The following THADA variants were observed in gnomAD, a reference collection of about 807,000 sequenced individuals.
The protein encoded by THADA is tRNA (32-2'-O)-methyltransferase regulator THADA.
Under a neutral mutation model 219.8 loss-of-function variants are expected in THADA, and 213 were observed. The observed-to-expected ratio is 0.97, with a 90% CI of 0.87 to 1.09. The LOEUF (loss-of-function observed/expected upper bound fraction) is 1.09. THADA is among the 50% of genes least tolerant of loss of function. The pLI, the probability that THADA is intolerant of heterozygous loss-of-function variation, is 0.00. For missense variants in THADA, 2,956 were observed against 2,311.3 expected (o/e 1.28, Z -5.72); for synonymous variants, 1,018 against 828.9 (o/e 1.23, Z -3.92).
At chr2:43,344,830 C>A (rs1667460770) in intron 29 of THADA, among the ~76,000 whole-genome samples, 1 of 151,692 alleles carries the variant, frequency 6.6e-6, no homozygotes. Context: ...TGCAGACGTG[C>A]CCCACTTATA....
At chr2:43,396,408 C>A (rs573795399) in intron 29 of THADA, among the ~76,000 whole-genome samples, 60 of 152,310 alleles carry the variant, frequency 3.9e-4, no homozygotes, top group Non-Finnish European at 6.9e-4. Context: ...ATTTTCTGGT[C>A]CTTTTTTGTC....
intron 26 of THADA, among the ~76,000 whole-genome samples, chr2:43,458,642 C>T (rs942902391): frequency 6.6e-6 from 1 of 152,108 alleles, no homozygotes; most frequent in African/African-American, 2.4e-5. Context: ...TTCATCCTAG[C>T]CTACATCTCC....
intron 26 of THADA, among the ~76,000 whole-genome samples, chr2:43,464,266 A>C (rs747005027): frequency 7.2e-5 from 11 of 152,198 alleles, no homozygotes; most frequent in Non-Finnish European, 1.5e-4. Flanking sequence ...AAGGAATCTA[A>C]AACTTTTGCT....
intron 27 of THADA, among the ~76,000 whole-genome samples, chr2:43,428,668 T>C (rs1246589489): frequency 6.6e-6 from 1 of 151,404 alleles, no homozygotes; most frequent in African/African-American, 2.4e-5. Context: ...CCTTTTTTCT[T>C]TTTTTTTTCT....
intron 28 of THADA, among the ~76,000 whole-genome samples, chr2:43,407,473 G>A (rs991088111): frequency 2.6e-5 from 4 of 152,044 alleles, no homozygotes; most frequent in Non-Finnish European, 4.4e-5. Context: ...TCTAATTCTA[G>A]TCCAAGGTTG....
intron 20 of THADA, among the ~76,000 whole-genome samples, chr2:43,543,387 C>G (rs1032885771): frequency 8.6e-5 from 13 of 150,898 alleles, no homozygotes; most frequent in African/African-American, 2.9e-4. Context: ...TGGGTATATA[C>G]CCAGTAATGG....
At chr2:43,476,044 T>A (rs6731980) in intron 26 of THADA, among the ~76,000 whole-genome samples, 2 of 152,052 alleles carry the variant, frequency 1.3e-5, no homozygotes, top group Non-Finnish European at 2.9e-5. Context: ...CCCTTCTGAG[T>A]AGTCACGTGC....
chr2:43,253,512 C>T (rs1558471789), intron 36 of THADA, among the ~76,000 whole-genome samples: 1 of 152,286 alleles, frequency 6.6e-6, no homozygotes. Context: ...GACCTTTCAA[C>T]AGTGTTTGCG....
intron 35 of THADA, among the ~76,000 whole-genome samples, chr2:43,284,760 G>A (rs1014625610): frequency 1.2e-4 from 18 of 152,182 alleles, no homozygotes; most frequent in Admixed American, 9.2e-4. Flanking sequence ...TGGAAAAGCC[G>A]CAGGCACTCA....
intron 36 of THADA, among the ~76,000 whole-genome samples, chr2:43,262,995 C>T (rs894626603): frequency 2.0e-5 from 3 of 152,202 alleles, no homozygotes; most frequent in Non-Finnish European, 4.4e-5. Context: ...GTGATGGCTT[C>T]CATAGAGAGC....
chr2:43,480,224 G>A (rs1686022814), intron 26 of THADA, among the ~76,000 whole-genome samples: 1 of 152,200 alleles, frequency 6.6e-6, no homozygotes, highest in South Asian at 2.1e-4. Flanking sequence ...GGATGATACT[G>A]CCTACCTCGC....
At chr2:43,319,602 G>A (rs1678459631) in intron 31 of THADA, among the ~76,000 whole-genome samples, 1 of 152,182 alleles carries the variant, frequency 6.6e-6, no homozygotes. Context: ...TTGACAGCCT[G>A]AATGTATTTA....
chr2:43,341,806 G>T (rs1057309980), intron 30 of THADA, among the ~76,000 whole-genome samples: 1 of 152,148 alleles, frequency 6.6e-6, no homozygotes, highest in Non-Finnish European at 1.5e-5. Flanking sequence ...ACAGCTGAGG[G>T]TACTGATGTG....
intron 22 of THADA, among the ~76,000 whole-genome samples, chr2:43,514,374 C>A (rs1690899700): frequency 6.7e-6 from 1 of 149,072 alleles, no homozygotes; most frequent in African/African-American, 2.5e-5. Flanking sequence ...TCGCTTGAGC[C>A]CAAGAGGCAG....
At chr2:43,590,744 C>A in intron 4 of THADA, 80 bp downstream of exon 4, 1 of 1,478,574 alleles carries the variant, frequency 6.8e-7, no homozygotes, top group Non-Finnish European at 9.2e-7. Flanking sequence ...TCAGTTTTAT[C>A]AAACCAAGGA....
intron 3 of THADA, among the ~76,000 whole-genome samples, chr2:43,591,733 C>G (rs1701594736): frequency 6.6e-6 from 1 of 152,118 alleles, no homozygotes; most frequent in African/African-American, 2.4e-5. Context: ...TCTACCTTAT[C>G]TGTTTACAGT....
chr2:43,565,017 T>C (rs1698498426), intron 15 of THADA: 1 of 152,224 alleles, frequency 6.6e-6, no homozygotes, highest in African/African-American at 2.4e-5. Context: ...ATTGGCAAAA[T>C]TTAAATATGG....
At chr2:43,395,993 G>C (rs1199134712) in intron 29 of THADA, among the ~76,000 whole-genome samples, 1 of 152,216 alleles carries the variant, frequency 6.6e-6, no homozygotes, top group Non-Finnish European at 1.5e-5. Context: ...CTGGCCTCAA[G>C]TGATCTGTCC....
chr2:43,356,952 TG>T (rs1466260485), intron 29 of THADA, among the ~76,000 whole-genome samples: 4 of 152,136 alleles, frequency 2.6e-5, no homozygotes, highest in Non-Finnish European at 5.9e-5. Flanking sequence ...TGCTCAACTT[TG>T]CAAAAAGATA....
Sources: allele counts gnomAD v4.1 joint callset (sites outside exome capture counted in the v4.1 genomes callset), GRCh38; gene constraint gnomAD v4.1.1; transcripts MANE v1.5; gene names NCBI Gene and HGNC (gene_info 2026-07-23, HGNC 2026-07-21).